The following CNTNAP2 variants were observed in gnomAD, a reference collection of about 807,000 sequenced individuals.
The protein encoded by CNTNAP2 is contactin associated protein 2, also known as contactin-associated protein-like 2.
A neutral mutation model predicts 155.2 loss-of-function variants in CNTNAP2; 98 were observed. The ratio of observed to expected loss-of-function variants is 0.63; its 90% CI spans 0.54 to 0.75. CNTNAP2 has a LOEUF of 0.75. Among genes scored for constraint, CNTNAP2 ranks in the 30% least tolerant of loss-of-function variants. CNTNAP2 has a pLI of 0.00. For synonymous variants in CNTNAP2, 651 were observed against 631.2 expected (o/e 1.03, Z -0.47); for missense variants, 1,727 against 1,688.1 (o/e 1.02, Z -0.40).
At chr7:147,978,998 A>T (rs369007886) in intron 15 of CNTNAP2, among the ~76,000 whole-genome samples, 12 of 152,322 alleles carry the variant, frequency 7.9e-5, no homozygotes, top group African/African-American at 2.6e-4. Flanking sequence ...GAATATTATT[A>T]CCACTTTGTA....
intron 4 of CNTNAP2, among the ~76,000 whole-genome samples, chr7:147,096,741 A>G (rs542080455): frequency 1.3e-5 from 2 of 152,316 alleles, no homozygotes; most frequent in East Asian, 3.9e-4. Context: ...AAATAAATTA[A>G]TTCAACCTCT....
chr7:147,773,880 T>G (rs1797515042), intron 13 of CNTNAP2, among the ~76,000 whole-genome samples: 2 of 152,192 alleles, frequency 1.3e-5, no homozygotes, highest in Non-Finnish European at 2.9e-5. Flanking sequence ...CTAAATGACT[T>G]GATTCTCACT....
intron 1 of CNTNAP2, among the ~76,000 whole-genome samples, chr7:146,352,899 C>G (rs536587824): frequency 2.0e-5 from 3 of 150,888 alleles, no homozygotes; most frequent in Admixed American, 2.0e-4. Flanking sequence ...GGACTACAGG[C>G]ACCCGCCACC....
intron 3 of CNTNAP2, among the ~76,000 whole-genome samples, chr7:146,941,201 T>G (rs1355646880): frequency 6.6e-6 from 1 of 152,170 alleles, no homozygotes; most frequent in East Asian, 1.9e-4. Flanking sequence ...TCTTACTGTC[T>G]TCTTTGTGGT....
At chr7:146,331,121 G>A (rs1258387620) in intron 1 of CNTNAP2, among the ~76,000 whole-genome samples, 1 of 151,810 alleles carries the variant, frequency 6.6e-6, no homozygotes, top group Non-Finnish European at 1.5e-5. Context: ...TGGCTAACAC[G>A]GTGAAACCCC....
At chr7:146,744,118 A>G (rs534934172) in intron 1 of CNTNAP2, among the ~76,000 whole-genome samples, 1 of 149,202 alleles carries the variant, frequency 6.7e-6, no homozygotes, top group African/African-American at 2.5e-5. Flanking sequence ...ATCCCAGCTA[A>G]TTGGGAGGCT....
At chr7:147,392,069 G>A (rs1469615229) in intron 9 of CNTNAP2, among the ~76,000 whole-genome samples, 4 of 151,892 alleles carry the variant, frequency 2.6e-5, no homozygotes, top group Non-Finnish European at 5.9e-5. Flanking sequence ...TCATTTAACT[G>A]TATCTTTTTC....
At chr7:147,575,778 TA>T (rs1800387128) in intron 12 of CNTNAP2, among the ~76,000 whole-genome samples, 1 of 152,038 alleles carries the variant, frequency 6.6e-6, no homozygotes. Flanking sequence ...AGGAGTGTCA[TA>T]ATTCTTAAAG....
At chr7:148,266,232 T>G (rs932527063) in intron 20 of CNTNAP2, among the ~76,000 whole-genome samples, 1 of 152,160 alleles carries the variant, frequency 6.6e-6, no homozygotes, top group Non-Finnish European at 1.5e-5. Context: ...CAAAAGAATG[T>G]TTTCCACCGG....
intron 1 of CNTNAP2, among the ~76,000 whole-genome samples, chr7:146,553,236 C>G (rs1220157121): frequency 6.6e-6 from 1 of 151,962 alleles, no homozygotes; most frequent in East Asian, 1.9e-4. Context: ...ATTTGAAATG[C>G]TAGAACATAT....
chr7:146,937,190 A>G (rs1796933573), intron 3 of CNTNAP2, among the ~76,000 whole-genome samples: 1 of 151,874 alleles, frequency 6.6e-6, no homozygotes, highest in African/African-American at 2.4e-5. Flanking sequence ...GATTAAGACC[A>G]TCCTGGCTAA....
At position 146,893,442 on chromosome 7, in the gene CNTNAP2, T is replaced by G. The variant is rs1280647176; in HGVS notation, c.402+53538T>G. The stretch of plus-strand genomic sequence containing the variant: ...ATGTATATATACATATGTGTGTGTA[T>G]GTATATATGTGTGTGTGTATATATA... On this transcript the variant is annotated intron_variant, in intron 3 of 23. Coordinates refer to ENST00000361727, the MANE Select transcript of CNTNAP2 (RefSeq NM_014141.6). Among the ~76,000 whole-genome samples, 2 of 147,716 alleles carry G rather than the reference T, an allele frequency of 1.4e-5. 1 individual carries two copies.
intron 17 of CNTNAP2, among the ~76,000 whole-genome samples, chr7:148,160,046 C>T (rs1315374534): frequency 6.6e-6 from 1 of 152,088 alleles, no homozygotes; most frequent in Non-Finnish European, 1.5e-5. Context: ...CAGGACCAGC[C>T]CGGGCAACAT....
chr7:146,988,904 G>A (rs948409811), intron 3 of CNTNAP2, among the ~76,000 whole-genome samples: 17 of 152,116 alleles, frequency 1.1e-4, no homozygotes, highest in Admixed American at 6.6e-4. Context: ...CTCCCAAATC[G>A]GAGCCCTGTG....
intron 1 of CNTNAP2, among the ~76,000 whole-genome samples, chr7:146,160,495 A>C (rs1280786190): frequency 6.6e-6 from 1 of 152,238 alleles, no homozygotes; most frequent in Non-Finnish European, 1.5e-5. Flanking sequence ...AGAATCAAAT[A>C]GATGCAATAA....
intron 13 of CNTNAP2, among the ~76,000 whole-genome samples, chr7:147,688,492 A>G (rs1584900799): frequency 6.6e-6 from 1 of 151,970 alleles, no homozygotes. Flanking sequence ...TGACAGCTCA[A>G]CTCCCAGAAC....
chr7:146,282,263 C>A (rs896529418), intron 1 of CNTNAP2, among the ~76,000 whole-genome samples: 4 of 152,184 alleles, frequency 2.6e-5, no homozygotes, highest in African/African-American at 9.7e-5. Context: ...TTGCCCCCAA[C>A]GTGGCAGCTA....
intron 1 of CNTNAP2, among the ~76,000 whole-genome samples, chr7:146,193,303 T>C (rs1036841155): frequency 6.6e-6 from 1 of 152,184 alleles, no homozygotes; most frequent in Non-Finnish European, 1.5e-5. Context: ...CAACCCCACA[T>C]TTCTCTTCTG....
chr7:147,353,696 G>A (rs893518450), intron 9 of CNTNAP2, among the ~76,000 whole-genome samples: 1 of 151,896 alleles, frequency 6.6e-6, no homozygotes, highest in African/African-American at 2.4e-5. Flanking sequence ...GGTATTTCTG[G>A]GTCTAGATCC....
Sources: gnomAD v4.1 joint callset for allele counts (sites outside exome capture counted in the v4.1 genomes callset) on GRCh38, gnomAD v4.1.1 for gene constraint, MANE v1.5 for transcripts, NCBI Gene and HGNC (gene_info 2026-07-23, HGNC 2026-07-21) for gene names.